Variants in LINGO1 observed in about 807,000 individuals in gnomAD.
LINGO1 encodes the protein leucine-rich repeat and immunoglobulin-like domain-containing nogo receptor-interacting protein 1.
In LINGO1, 11 loss-of-function variants were observed where a neutral mutation model predicts 37.3. The observed-to-expected ratio is 0.29, with a 90% CI of 0.19 to 0.49. The LOEUF (loss-of-function observed/expected upper bound fraction) is 0.49, where lower values mean the gene tolerates loss of function less well. Among genes scored for constraint, LINGO1 ranks in the 20% least tolerant of loss-of-function variants. The probability of loss-of-function intolerance (pLI) is 0.99; values close to 1 mark genes in which losing one functional copy is unlikely to be tolerated. For synonymous variants in LINGO1, 387 were observed against 403.0 expected (o/e 0.96, Z 0.48); for missense variants, 585 against 878.2 (o/e 0.67, Z 4.22).
At chr15:77,684,929 C>T (rs2075478483) in intron 2 of LINGO1, among the ~76,000 whole-genome samples, 3 of 152,084 alleles carry the variant, frequency 2.0e-5, no homozygotes, top group East Asian at 1.9e-4. Flanking sequence ...GGGTGGTGCC[C>T]GGGGAGGGCT....
At chr15:77,679,181 G>A (rs1442753035) in intron 2 of LINGO1, among the ~76,000 whole-genome samples, 2 of 152,332 alleles carry the variant, frequency 1.3e-5, no homozygotes, top group East Asian at 3.9e-4. Flanking sequence ...GATTATGGGT[G>A]TGAGCCACCG....
intron 1 of LINGO1, among the ~76,000 whole-genome samples, chr15:77,769,881 C>T (rs914983119): frequency 3.3e-5 from 5 of 152,198 alleles, no homozygotes; most frequent in East Asian, 1.9e-4. Flanking sequence ...TGAGCCTGTG[C>T]AATTCTGAGA....
At chr15:77,783,404 C>T (rs2076740257) in intron 1 of LINGO1, among the ~76,000 whole-genome samples, 1 of 152,084 alleles carries the variant, frequency 6.6e-6, no homozygotes, top group Non-Finnish European at 1.5e-5. Flanking sequence ...TGAGAAGGAT[C>T]AGGGTCCCTG....
At chr15:77,728,851 T>C (rs1328454664) in intron 2 of LINGO1, among the ~76,000 whole-genome samples, 1 of 152,270 alleles carries the variant, frequency 6.6e-6, no homozygotes, top group Admixed American at 6.5e-5. Flanking sequence ...GAGGATTAAA[T>C]AAATAACTAT....
At chr15:77,781,518 C>T (rs2076716605) in intron 1 of LINGO1, among the ~76,000 whole-genome samples, 1 of 152,206 alleles carries the variant, frequency 6.6e-6, no homozygotes, top group Admixed American at 6.5e-5. Flanking sequence ...TAGAGGATTT[C>T]AGAAGCAGGC....
At chr15:77,819,668 C>T (rs1426950803) in intron 1 of LINGO1, 1 of 151,208 alleles carries the variant, frequency 6.6e-6, no homozygotes, top group Non-Finnish European at 1.5e-5. Context: ...CCGGGACGGC[C>T]GGAGCCTGCG....
intron 1 of LINGO1, among the ~76,000 whole-genome samples, chr15:77,695,687 A>C (rs2075679695): frequency 6.6e-6 from 1 of 152,036 alleles, no homozygotes; most frequent in Non-Finnish European, 1.5e-5. Flanking sequence ...CCATCTGCCC[A>C]GCCTCCCCCT....
chr15:77,663,369 C>T (rs1239274136), intron 3 of LINGO1, among the ~76,000 whole-genome samples: 1 of 152,102 alleles, frequency 6.6e-6, no homozygotes, highest in Admixed American at 6.5e-5. Flanking sequence ...TAAATAGGGC[C>T]TGGTTCAGGC....
At chr15:77,653,414 C>A (rs566966557) in intron 3 of LINGO1, among the ~76,000 whole-genome samples, 3 of 152,304 alleles carry the variant, frequency 2.0e-5, no homozygotes, top group Admixed American at 2.0e-4. Flanking sequence ...CAGGGGCCTC[C>A]CCAGCCTGGT....
At chr15:77,707,147 G>A (rs920360570) in intron 2 of LINGO1, among the ~76,000 whole-genome samples, 2 of 152,222 alleles carry the variant, frequency 1.3e-5, no homozygotes, top group African/African-American at 4.8e-5. Flanking sequence ...GATGCTGGAG[G>A]GGAACAGGAT....
At chr15:77,818,407 TCA>T (rs1004930879) in intron 1 of LINGO1, among the ~76,000 whole-genome samples, 3 of 152,124 alleles carry the variant, frequency 2.0e-5, no homozygotes, top group African/African-American at 7.2e-5. Flanking sequence ...GGGAGGAGAC[TCA>T]CAATGGGAGA....
intron 2 of LINGO1, among the ~76,000 whole-genome samples, chr15:77,714,850 G>A (rs150306866): frequency 3.3e-5 from 5 of 152,308 alleles, no homozygotes; most frequent in African/African-American, 9.6e-5. Flanking sequence ...CAGATGACTC[G>A]ATGACATGAT....
intron 1 of LINGO1, among the ~76,000 whole-genome samples, chr15:77,769,812 GT>G (rs1159867923): frequency 2.0e-5 from 3 of 152,212 alleles, no homozygotes; most frequent in African/African-American, 7.2e-5. Flanking sequence ...CCATCAGCAA[GT>G]CTCTCCCGGT....
intron 3 of LINGO1, among the ~76,000 whole-genome samples, chr15:77,652,828 A>G (rs1355244513): frequency 6.6e-6 from 1 of 152,176 alleles, no homozygotes; most frequent in Non-Finnish European, 1.5e-5. Flanking sequence ...ATGGCTGGCA[A>G]TCAGTGACCC....
intron 3 of LINGO1, among the ~76,000 whole-genome samples, chr15:77,653,736 A>G (rs2074811459): frequency 6.6e-6 from 1 of 152,250 alleles, no homozygotes; most frequent in Non-Finnish European, 1.5e-5. Context: ...TGCTCAACTT[A>G]GGGAGTGCCT....
intron 1 of LINGO1, among the ~76,000 whole-genome samples, chr15:77,772,717 G>T (rs1405605928): frequency 6.6e-6 from 1 of 152,180 alleles, no homozygotes; most frequent in African/African-American, 2.4e-5. Context: ...CTCCAAATGA[G>T]GTGAGAGTGG....
intron 1 of LINGO1, among the ~76,000 whole-genome samples, chr15:77,801,239 G>C (rs1226506803): frequency 6.6e-6 from 1 of 152,156 alleles, no homozygotes; most frequent in East Asian, 1.9e-4. Context: ...TTGCTGGTAA[G>C]ACCGAAAAAG....
intron 2 of LINGO1, among the ~76,000 whole-genome samples, chr15:77,702,765 C>A (rs989822979): frequency 5.9e-5 from 9 of 152,180 alleles, no homozygotes; most frequent in Non-Finnish European, 1.3e-4. Context: ...GCTTGCTCTT[C>A]CCAATCCCTG....
intron 2 of LINGO1, among the ~76,000 whole-genome samples, chr15:77,719,129 G>A (rs902172204): frequency 2.0e-5 from 3 of 149,972 alleles, no homozygotes; most frequent in Non-Finnish European, 4.5e-5. Flanking sequence ...GACTGGGCAG[G>A]CAGTCAACTC....
Sources: allele counts gnomAD v4.1 joint callset (sites outside exome capture counted in the v4.1 genomes callset), GRCh38; gene constraint gnomAD v4.1.1; transcripts MANE v1.5; gene names NCBI Gene and HGNC (gene_info 2026-07-23, HGNC 2026-07-21).